Variants in CLIP1 observed in about 807,000 individuals in gnomAD.
CLIP1 encodes the protein CAP-Gly domain containing linker protein 1.
Under a neutral mutation model 161.6 loss-of-function variants are expected in CLIP1, and 66 were observed. The observed-to-expected ratio is 0.41, with a 90% confidence interval of 0.33 to 0.50. The LOEUF (loss-of-function observed/expected upper bound fraction) is 0.50. CLIP1 is among the 20% of genes least tolerant of loss of function. CLIP1 has a pLI of 0.27. For synonymous variants in CLIP1, 598 were observed against 626.2 expected (o/e 0.96, Z 0.67); for missense variants, 1,376 against 1,702.0 (o/e 0.81, Z 3.37).
Position 122,355,459 on chromosome 12 carries a change from A to G in CLIP1, c.1006-147T>C. 3 of 643,048 alleles carry G rather than the reference A, an allele frequency of 4.7e-6. No individual in the cohort carries two copies. Among genetic ancestry groups the G allele is most frequent in the Non-Finnish European group, 5.5e-6 (2 of 365,180 alleles). The allele number at this position is 643,048 out of a possible 1,614,324, so 39.8% of individuals were successfully genotyped here. On this transcript the variant is annotated intron_variant, in intron 5 of 25. Coordinates refer to ENST00000620786, the MANE Select transcript of CLIP1 (RefSeq NM_001247997.2). This position sits in a 1 kb window ranked among gnomAD's most constrained non-coding sequence, Gnocchi z 4.1. ...GGCCAGGATTAGGAAAGGCTTCCTC[A>G]AAAACACAAGACAGTGTGTGCCTTC...
intron 20 of CLIP1, among the ~76,000 whole-genome samples, chr12:122,289,629 CTCATGTA>C (rs1306531538): frequency 1.3e-5 from 2 of 152,136 alleles, no homozygotes; most frequent in East Asian, 3.9e-4. Flanking sequence ...GCATTTGTTT[CTCATGTA>C]TAAAACAAAG....
chr12:122,324,747 G>C (rs988082403), intron 17 of CLIP1, among the ~76,000 whole-genome samples: 3 of 152,122 alleles, frequency 2.0e-5, no homozygotes, highest in Middle Eastern at 3.4e-3. Flanking sequence ...AGGATTCATA[G>C]AACAATTTTT....
chr12:122,319,092 T>C, intron 18 of CLIP1, 140 bp downstream of exon 18: 1 of 623,302 alleles, frequency 1.6e-6, no homozygotes, highest in East Asian at 2.7e-5. Context: ...TTATTTAAGA[T>C]TATCGTGGCT....
chr12:122,301,265 T>G (rs1659819158), intron 20 of CLIP1, among the ~76,000 whole-genome samples: 1 of 152,234 alleles, frequency 6.6e-6, no homozygotes. Flanking sequence ...TTAAACTCCC[T>G]GAATTTCATG....
At chr12:122,402,882 A>G (rs1302343537) in intron 1 of CLIP1, among the ~76,000 whole-genome samples, 2 of 152,172 alleles carry the variant, frequency 1.3e-5, no homozygotes, top group African/African-American at 2.4e-5. Flanking sequence ...CTTTTTTCAT[A>G]ATAGATCTTT....
chr12:122,399,364 G>C (rs1194190927), intron 1 of CLIP1: 2 of 152,158 alleles, frequency 1.3e-5, no homozygotes, highest in African/African-American at 4.8e-5. Flanking sequence ...GAAGTGAAAG[G>C]AAAGACTGTG....
At chr12:122,361,637 C>A (rs551381978) in intron 4 of CLIP1, among the ~76,000 whole-genome samples, 1 of 152,092 alleles carries the variant, frequency 6.6e-6, no homozygotes, top group Non-Finnish European at 1.5e-5. Flanking sequence ...GAGGCCGAGG[C>A]GGCAGATCAC....
At chr12:122,337,126 C>A (rs1046899781) in intron 11 of CLIP1, among the ~76,000 whole-genome samples, 8 of 151,794 alleles carry the variant, frequency 5.3e-5, no homozygotes, top group African/African-American at 1.7e-4. Flanking sequence ...CGTGCCACTA[C>A]AGCTAATGTT....
At chr12:122,397,648 C>G (rs1955972648) in intron 1 of CLIP1, among the ~76,000 whole-genome samples, 2 of 142,994 alleles carry the variant, frequency 1.4e-5, no homozygotes, top group African/African-American at 2.5e-5. Flanking sequence ...GTATCCTAAA[C>G]TTTTCCAAAA....
At chr12:122,338,893 C>CT (rs2136322434) in intron 11 of CLIP1, among the ~76,000 whole-genome samples, 1 of 152,164 alleles carries the variant, frequency 6.6e-6, no homozygotes, top group East Asian at 1.9e-4. Context: ...GAAAAATTTC[C>CT]TGTAACCAGT....
chr12:122,318,116 T>C (rs963492152), intron 18 of CLIP1, among the ~76,000 whole-genome samples: 2 of 152,258 alleles, frequency 1.3e-5, no homozygotes, highest in African/African-American at 4.8e-5. Flanking sequence ...CAAATGTTCA[T>C]CTCCTTTGAA....
intron 1 of CLIP1, among the ~76,000 whole-genome samples, chr12:122,384,384 G>T (rs1303409663): frequency 3.3e-5 from 5 of 152,118 alleles, no homozygotes; most frequent in Non-Finnish European, 5.9e-5. Flanking sequence ...GTGAAGGTAG[G>T]TGTGCAATTA....
At position 122,364,054 on chromosome 12, in the gene CLIP1, G is replaced by A. The variant is rs146627539; in HGVS notation, c.711C>T (p.Ala237=). 2.2e-4 allele frequency: 351 copies of A among 1,613,964 alleles called. 1 individual carries two copies. The African/African-American group carries it at 4.0e-3, about 18-fold the overall frequency. The stretch of plus-strand genomic sequence containing the variant: ...ACTCCACGCCACACCACTCCCCCTT[G>A]GCAAAGTCGGTCTCCCCAAGAAACC... ...VVRFLGETDF[A]KGEWCGVELD... The change falls in exon 4 of 26, where the codon GCC becomes GCT. Residue 237 remains alanine (A), a synonymous_variant. Transcript: ENST00000620786.
intron 1 of CLIP1, among the ~76,000 whole-genome samples, chr12:122,390,759 A>T (rs922129144): frequency 6.6e-6 from 1 of 151,822 alleles, no homozygotes; most frequent in Non-Finnish European, 1.5e-5. Flanking sequence ...AACCATTTGT[A>T]TAATGTTTAT....
chr12:122,278,687 G>T, intron 23 of CLIP1, 105 bp downstream of exon 23: 1 of 1,204,942 alleles, frequency 8.3e-7, no homozygotes. Flanking sequence ...AGGAGAGTCA[G>T]GGTCAGGGCA....
intron 24 of CLIP1, chr12:122,276,298 G>C (rs1000347455): frequency 7.7e-6 from 8 of 1,034,756 alleles, no homozygotes; most frequent in Non-Finnish European, 8.7e-6. Context: ...TTCTCAACGT[G>C]CATTTTCTAA....
intron 11 of CLIP1, among the ~76,000 whole-genome samples, chr12:122,337,353 A>C (rs1952274754): frequency 6.6e-6 from 1 of 151,708 alleles, no homozygotes; most frequent in Non-Finnish European, 1.5e-5. Flanking sequence ...AGGCTGAGGC[A>C]GAAGAATCGC....
intron 20 of CLIP1, among the ~76,000 whole-genome samples, chr12:122,294,516 A>ACTC (rs1322896301): frequency 6.6e-6 from 1 of 151,892 alleles, no homozygotes; most frequent in Non-Finnish European, 1.5e-5. Context: ...TAATCTCAGC[A>ACTC]CTCTGGGAGG....
At chr12:122,389,758 C>CCAAAAAAAA (rs1955505052) in intron 1 of CLIP1, among the ~76,000 whole-genome samples, 1 of 69,316 alleles carries the variant, frequency 1.4e-5, no homozygotes. Context: ...GATCCTGTCT[C>CCAAAAAAAA]AAAAAAAAAA....
Sources: allele counts gnomAD v4.1 joint callset (sites outside exome capture counted in the v4.1 genomes callset), GRCh38; gene constraint gnomAD v4.1.1; non-coding constraint Gnocchi (gnomAD v3.1); transcripts MANE v1.5; gene names NCBI Gene and HGNC (gene_info 2026-07-23, HGNC 2026-07-21).